The following ZNF221 variants were observed in gnomAD, a reference collection of about 807,000 sequenced individuals.
ZNF221 encodes the protein zinc finger protein 221.
Under a neutral mutation model 12.6 loss-of-function variants are expected in ZNF221, and 10 were observed. That is an observed-to-expected ratio of 0.79 (90% CI 0.49 to 1.34). ZNF221 has a LOEUF of 1.34. Ranked by LOEUF, ZNF221 falls within the 40% of genes most tolerant of loss-of-function variation. ZNF221 has a pLI of 0.00. For synonymous variants in ZNF221, 232 were observed against 244.0 expected (o/e 0.95, Z 0.46); for missense variants, 661 against 721.4 (o/e 0.92, Z 0.96).
intron 1 of ZNF221, among the ~76,000 whole-genome samples, chr19:43,957,146 G>A (rs890242586): frequency 2.6e-5 from 4 of 152,116 alleles, no homozygotes; most frequent in African/African-American, 7.2e-5. Context: ...GTTACAGTTC[G>A]TTATATATGG....
At chr19:43,959,876 C>T (rs757987170) in intron 1 of ZNF221, among the ~76,000 whole-genome samples, 1 of 152,066 alleles carries the variant, frequency 6.6e-6, no homozygotes, top group Non-Finnish European at 1.5e-5. Flanking sequence ...TATAAAGATG[C>T]CTGAAAATGT....
At chr19:43,960,992 C>T (rs1974833209) in intron 1 of ZNF221, among the ~76,000 whole-genome samples, 1 of 152,194 alleles carries the variant, frequency 6.6e-6, no homozygotes, top group African/African-American at 2.4e-5. Context: ...AAGGGGACCA[C>T]TGCCCTCTGA....
intron 1 of ZNF221, among the ~76,000 whole-genome samples, chr19:43,961,261 A>C (rs563508452): frequency 7.9e-5 from 12 of 152,206 alleles, no homozygotes; most frequent in African/African-American, 2.9e-4. Flanking sequence ...TATGCTCTTT[A>C]CCCAAATTTT....
downstream of ZNF221, among the ~76,000 whole-genome samples, chr19:43,970,987 A>T (rs770932645): frequency 1.3e-5 from 2 of 152,206 alleles, no homozygotes. Context: ...GGTCAAAATT[A>T]AAAAATGTAA....
Position 43,965,172 on chromosome 19 carries a change from A to G in ZNF221, c.209-61A>G. On this transcript the variant is annotated intron_variant, in intron 3 of 4. Coordinates refer to ENST00000587682, the MANE Select transcript of ZNF221 (RefSeq NM_001297588.2). ...GCATTGGGAACCTAAATTTCCAGTA[A>G]ATTTTCCCTAGATATTACCTACAAT... 2.5e-6 allele frequency: 4 copies of G among 1,592,830 alleles called. 1 individual carries two copies. Among genetic ancestry groups the G allele is most frequent in the South Asian group, 2.2e-5 (2 of 89,008 alleles).
chr19:43,979,372 T>C, the ZNF221 span, among the ~76,000 whole-genome samples: 3 of 151,768 alleles, frequency 2.0e-5, no homozygotes, highest in African/African-American at 7.3e-5. Context: ...TCAATTTTAA[T>C]TACAACATGC....
Position 43,967,146 on chromosome 19 carries a change from T to A in ZNF221, c.1644T>A (p.Asn548Lys), listed in dbSNP as rs766648369. Reference protein sequence around the residue: ...QCEKGYNSKFNLDMHQRVHGG... With the variant: ...QCEKGYNSKFKLDMHQRVHGG... ...AGAAGGGGTACAACAGTAAATTTAA[T>A]CTTGACATGCACCAGAGGGTCCACG... The change falls in exon 5 of 5, where the codon AAT becomes AAA. Residue 548 changes from asparagine (N) to lysine (K), a missense_variant. Asn to Lys is a moderately conservative substitution (Grantham distance 94). Coordinates refer to ENST00000587682, the MANE Select transcript of ZNF221 (RefSeq NM_001297588.2). 3 of 1,593,906 alleles carry A rather than the reference T, an allele frequency of 1.9e-6. No homozygotes were observed. The highest frequency in any genetic ancestry group is 2.6e-6 in the Non-Finnish European group (3 of 1,167,472).
Position 43,966,126 on chromosome 19 carries a change from T to C in ZNF221, c.624T>C (p.Cys208=). 6.2e-7 allele frequency: 1 copy of C among 1,614,242 alleles called. No individual in the cohort carries two copies. The highest frequency in any genetic ancestry group is 1.1e-5 in the South Asian group (1 of 91,088). Residue 208 remains cysteine (C), a synonymous_variant, in exon 5 of 5, where the codon TGT becomes TGC. Coordinates refer to ENST00000587682, the MANE Select transcript of ZNF221 (RefSeq NM_001297588.2). Reference sequence around the variant, plus strand: ...GTGGTGAGTGTGGAAAAAGCTTCTGTTACAGCCCAGCCCTTCATATTCATC... The same window carrying C: ...GTGGTGAGTGTGGAAAAAGCTTCTGCTACAGCCCAGCCCTTCATATTCATC... The part of the protein sequence containing the change: ...HTCGECGKSF[C]YSPALHIHQR...
In ZNF221 at chr19:43,965,805, A is replaced by AGGCAAGAT; in HGVS notation, c.304_311dup (p.Ile104MetfsTer33). ...TATATTAATTCTGTGTCTTTTTAGGAGGCAAGATCCAAATTGAGATGGAGA... is the reference window on the plus strand; with the variant it reads ...TATATTAATTCTGTGTCTTTTTAGGAGGCAAGATGGCAAGATCCAAATTGAGATGGAGA... On this transcript the variant is annotated frameshift_variant and splice_region_variant, in exon 5 of 5. Transcript: ENST00000587682. LOFTEE classifies it low-confidence loss of function (END_TRUNC). 5.1e-6 allele frequency: 8 copies of AGGCAAGAT among 1,579,178 alleles called. No homozygotes were observed. Among genetic ancestry groups the AGGCAAGAT allele is most frequent in the Non-Finnish European group, 6.9e-6 (8 of 1,162,866 alleles).
At chr19:43,952,967 T>C (rs1974698278) in intron 1 of ZNF221, among the ~76,000 whole-genome samples, 1 of 152,182 alleles carries the variant, frequency 6.6e-6, no homozygotes, top group Non-Finnish European at 1.5e-5. Context: ...ATTTATTTAA[T>C]TCATTTTAAA....
chr19:43,969,896 C>T (rs1048728031), downstream of ZNF221, among the ~76,000 whole-genome samples: 1 of 152,182 alleles, frequency 6.6e-6, no homozygotes, highest in African/African-American at 2.4e-5. Context: ...CGCAGCACAC[C>T]TGCTGTACCA....
chr19:43,965,059 G>C lies in ZNF221; in HGVS notation c.191G>C (p.Arg64Thr). The C allele has an allele frequency of 6.2e-7, 1 of 1,614,148 alleles. No homozygotes were observed. Among genetic ancestry groups the C allele is most frequent in the Middle Eastern group, 1.6e-4 (1 of 6,062 alleles). Reference sequence around the variant, plus strand: ...CGAGATGTGATGCTAGAGAACTTCAGGAACCTGCTCTCAGTAGGTGAGGAC... The same window carrying C: ...CGAGATGTGATGCTAGAGAACTTCACGAACCTGCTCTCAGTAGGTGAGGAC... ...LYRDVMLENF[R>T]NLLSVGNQPF... is the part of the protein sequence containing the mutation. Residue 64 changes from arginine to threonine, a missense_variant, in exon 3 of 5, where the codon AGG becomes ACG. Physicochemically the swap from Arg to Thr is moderately conservative, Grantham distance 71. Transcript: ENST00000587682.
At chr19:43,971,147 A>G (rs1975088807), downstream of ZNF221, among the ~76,000 whole-genome samples, 1 of 152,248 alleles carries the variant, frequency 6.6e-6, no homozygotes, top group Non-Finnish European at 1.5e-5. Context: ...AGAATTTAGT[A>G]TCTGGCCAAA....
At chr19:43,959,005 A>T (rs1974802525) in intron 1 of ZNF221, among the ~76,000 whole-genome samples, 1 of 150,026 alleles carries the variant, frequency 6.7e-6, no homozygotes, top group Non-Finnish European at 1.5e-5. Context: ...TTTTTTTCAC[A>T]TCTCCTGTGT....
the ZNF221 span, among the ~76,000 whole-genome samples, chr19:43,979,717 G>C: frequency 6.6e-6 from 1 of 152,108 alleles, no homozygotes. Flanking sequence ...TAAATCATTT[G>C]TATATGTCAT....
At chr19:43,971,724 A>G (rs1975101871), downstream of ZNF221, among the ~76,000 whole-genome samples, 1 of 152,216 alleles carries the variant, frequency 6.6e-6, no homozygotes, top group Admixed American at 6.5e-5. Flanking sequence ...TTCTAAACAT[A>G]TATACGCACC....
At chr19:43,952,125 G>A (rs11672243) in intron 1 of ZNF221, among the ~76,000 whole-genome samples, 15,553 of 151,578 alleles carry the variant, frequency 0.1, 921 homozygotes, top group East Asian at 0.14. Flanking sequence ...CGCCCGCCTC[G>A]GCCTCCCAAA....
At chr19:43,954,402 A>G (rs1974721983) in intron 1 of ZNF221, among the ~76,000 whole-genome samples, 4 of 152,152 alleles carry the variant, frequency 2.6e-5, no homozygotes, top group Admixed American at 2.6e-4. Context: ...TTCCATTAAT[A>G]CACAGACTTT....
At chr19:43,980,003 C>T in the ZNF221 span, among the ~76,000 whole-genome samples, 135,332 of 152,180 alleles carry the variant, frequency 0.89, 61,422 homozygotes, top group East Asian at 0.98. Flanking sequence ...TCTAGATGAC[C>T]ATGAATTTGT....
Sources: gnomAD v4.1 joint callset for allele counts (sites outside exome capture counted in the v4.1 genomes callset) on GRCh38, gnomAD v4.1.1 for gene constraint, MANE v1.5 for transcripts, NCBI Gene and HGNC (gene_info 2026-07-23, HGNC 2026-07-21) for gene names.